The following RPL35A variants were observed in gnomAD, a reference collection of about 807,000 sequenced individuals.
The protein encoded by RPL35A is large ribosomal subunit protein eL33.
RPL35A carries 1 observed loss-of-function variant against 16.7 expected under a neutral mutation model. The ratio of observed to expected loss-of-function variants is 0.06; its 90% confidence interval spans 0.02 to 0.28. RPL35A has a LOEUF of 0.28. Ranked by LOEUF, RPL35A falls within the 10% of genes least tolerant of loss-of-function variation. The pLI is 1.00. For missense variants in RPL35A, 91 were observed against 138.7 expected (o/e 0.66, Z 1.73); for synonymous variants, 58 against 47.0 (o/e 1.23, Z -0.96).
intron 3 of RPL35A, 170 bp from the exon 4 acceptor site, chr3:197,953,833 C>T: frequency 2.9e-6 from 2 of 691,832 alleles, no homozygotes. Context: ...GCCTGGCATA[C>T]AATAGTTACT....
chr3:197,952,710 T>C (rs1344175289), intron 3 of RPL35A: 2 of 151,998 alleles, frequency 1.3e-5, no homozygotes, highest in African/African-American at 4.8e-5. Context: ...GTCACTCTGG[T>C]CTTGAACTCC....
chr3:197,952,479 CTT>C (rs1300198898), intron 3 of RPL35A: 1 of 151,314 alleles, frequency 6.6e-6, no homozygotes, highest in Non-Finnish European at 1.5e-5. Flanking sequence ...CTTGTTTTTT[CTT>C]TTCTTTCTTT....
intron 3 of RPL35A, 48 bp downstream of exon 3, chr3:197,951,359 T>C: frequency 6.3e-7 from 1 of 1,595,392 alleles, no homozygotes; most frequent in Non-Finnish European, 8.6e-7. Context: ...ATCTGCCTCA[T>C]TTTCTTTTTT....
chr3:197,950,463 G>A, intron 1 of RPL35A: 2 of 525,326 alleles, frequency 3.8e-6, no homozygotes, highest in East Asian at 5.3e-5. Flanking sequence ...GGAGTGAAAC[G>A]ATGTTTTTGT....
chr3:197,954,006 C>T lies in RPL35A; in HGVS notation c.168C>T (p.Asn56=), dbSNP rs767760243. The T allele has an allele frequency of 6.2e-7, 1 of 1,612,754 alleles. No homozygotes were observed. The highest frequency in any genetic ancestry group is 1.1e-5 in the South Asian group (1 of 91,012). ...TTCTTTCCCTTTTTAAAATCAGCAA[C>T]ACAGTCACTCCTGGCGGCAAACCAA... ...RCAYVYKAKN[N]TVTPGGKPNK... Residue 56 remains asparagine (N), a synonymous_variant, in exon 4 of 5, where the codon AAC becomes AAT. Transcript: ENST00000647248.
intron 4 of RPL35A, chr3:197,954,482 T>C (rs1451244572): frequency 5.3e-6 from 2 of 377,038 alleles, no homozygotes; most frequent in African/African-American, 4.2e-5. Flanking sequence ...CATAGGCGTG[T>C]GCCACCACAC....
At position 197,953,665 on chromosome 3, in the gene RPL35A, TTCC is replaced by T. The variant is rs556962641; in HGVS notation, c.165-333_165-331del. The T allele has an allele frequency of 2.0e-4, 87 of 438,952 alleles. No homozygotes were observed. The East Asian group carries it at 4.8e-3, about 24-fold the overall frequency. The allele number at this position is 438,952 out of a possible 1,614,324, so 27.2% of individuals were successfully genotyped here. ...CTTGGCTATTTAAAATGGCAGGTAA[TTCC>T]TCCTTTCTGTACACACAAATATCCT... On this transcript the variant is annotated intron_variant, in intron 3 of 4. Coordinates refer to ENST00000647248, the MANE Select transcript of RPL35A (RefSeq NM_000996.4).
chr3:197,956,168 G>C lies in RPL35A; in HGVS notation c.*395G>C. 1 of 235,124 alleles carries C rather than the reference G, an allele frequency of 4.3e-6. No individual in the cohort carries two copies. The highest frequency in any genetic ancestry group is 8.5e-6 in the Non-Finnish European group (1 of 117,114). 14.6% of individuals were successfully genotyped at this position (235,124 alleles called of 1,614,324 possible). ...GAGGGTCTGACTCTTGCCTATGCTG[G>C]CTTCAAACTCCTGGGCTCAAGCAAT... On this transcript the variant is annotated 3_prime_UTR_variant, in exon 5 of 5. Coordinates refer to ENST00000647248, the MANE Select transcript of RPL35A (RefSeq NM_000996.4).
At chr3:197,952,905 T>C (rs1310854462) in intron 3 of RPL35A, among the ~76,000 whole-genome samples, 6 of 151,504 alleles carry the variant, frequency 4.0e-5, no homozygotes. Flanking sequence ...TGATCTCAGC[T>C]CACTGCAACC....
At chr3:197,954,948 G>C (rs1720414172) in intron 4 of RPL35A, among the ~76,000 whole-genome samples, 1 of 152,194 alleles carries the variant, frequency 6.6e-6, no homozygotes, top group African/African-American at 2.4e-5. Flanking sequence ...ACAGGTGTTA[G>C]TAGCTTTATT....
At chr3:197,955,611 ACTG>A in intron 4 of RPL35A, 136 bp from the exon 5 acceptor site, 1 of 770,514 alleles carries the variant, frequency 1.3e-6, no homozygotes, top group South Asian at 1.4e-5. Flanking sequence ...TCACGTAGAG[ACTG>A]AAGGCTATAA....
intron 4 of RPL35A, 189 bp downstream of exon 4, chr3:197,954,336 G>GT (rs112330576): frequency 0.054 from 25,907 of 475,792 alleles, no homozygotes; most frequent in East Asian, 0.068. Flanking sequence ...TTTGTTTTTT[G>GT]TTTTTTTTTT....
chr3:197,953,674 T>C, intron 3 of RPL35A: 1 of 439,976 alleles, frequency 2.3e-6, no homozygotes, highest in Admixed American at 2.9e-5. Context: ...ATTCCTCCTT[T>C]CTGTACACAC....
intron 3 of RPL35A, chr3:197,953,645 C>A: frequency 6.8e-6 from 3 of 440,694 alleles, no homozygotes; most frequent in South Asian, 4.9e-5. Context: ...CCTTCCTTGG[C>A]TATTTAAAAT....
chr3:197,950,299 G>A, intron 1 of RPL35A, 78 bp downstream of exon 1: 1 of 1,229,728 alleles, frequency 8.1e-7, no homozygotes. Context: ...GCGAGTCGCC[G>A]GTGCGTATCG....
At chr3:197,955,580 G>A (rs1311478944) in intron 4 of RPL35A, among the ~76,000 whole-genome samples, 170 bp from the exon 5 acceptor site, 1 of 152,044 alleles carries the variant, frequency 6.6e-6, no homozygotes, top group African/African-American at 2.4e-5. Context: ...TTTTTTATGA[G>A]TGCCGGTTCT....
rs745602709 is a variant in RPL35A at position 197,950,961 on chromosome 3, AG to A, written c.-5del. 3 of 1,614,154 alleles carry A rather than the reference AG, an allele frequency of 1.9e-6. No homozygotes were observed. The highest frequency in any genetic ancestry group is 1.6e-4 in the Middle Eastern group (1 of 6,062). ...GCCTGCTGGGAACGGGACTTCTAAA[AG>A]GAACTATGTCTGGAAGGTACGCGTT... On this transcript the variant is annotated 5_prime_UTR_variant, in exon 2 of 5. Coordinates refer to ENST00000647248, the MANE Select transcript of RPL35A (RefSeq NM_000996.4).
intron 1 of RPL35A, 89 bp from the exon 2 acceptor site, chr3:197,950,847 G>C: frequency 8.3e-7 from 1 of 1,209,762 alleles, no homozygotes; most frequent in Non-Finnish European, 1.2e-6. Context: ...CCATCCAAAA[G>C]GAATTTGCTT....
chr3:197,951,050 A>G (rs958027221), intron 2 of RPL35A, 72 bp downstream of exon 2: 1 of 1,605,254 alleles, frequency 6.2e-7, no homozygotes, highest in Non-Finnish European at 8.5e-7. Flanking sequence ...TAAAATTGGC[A>G]AGAAAAAACT....
Sources: gnomAD v4.1 joint callset for allele counts (sites outside exome capture counted in the v4.1 genomes callset) on GRCh38, gnomAD v4.1.1 for gene constraint, MANE v1.5 for transcripts, NCBI Gene and HGNC (gene_info 2026-07-23, HGNC 2026-07-21) for gene names.